The following AGBL1 variants were observed in gnomAD, a reference collection of about 807,000 sequenced individuals.
AGBL1 encodes AGBL carboxypeptidase 1.
AGBL1 carries 130 observed loss-of-function variants against 118.9 expected under a neutral mutation model. That is an observed-to-expected ratio of 1.09 (90% confidence interval 0.95 to 1.26). The LOEUF (loss-of-function observed/expected upper bound fraction) is 1.26. Among genes scored for constraint, AGBL1 ranks in the 50% most tolerant of loss-of-function variants. AGBL1 has a pLI of 0.00. For synonymous variants in AGBL1, 555 were observed against 478.9 expected, an observed-to-expected ratio of 1.16 and a Z score of -2.08; for missense variants, 1,584 against 1,298.1, an observed-to-expected ratio of 1.22 and a Z score of -3.38.
chr15:86,494,611 T>A (rs1274900124), intron 18 of AGBL1, among the ~76,000 whole-genome samples: 1 of 152,068 alleles, frequency 6.6e-6, no homozygotes, highest in African/African-American at 2.4e-5. Context: ...CACCTACCGA[T>A]CAGGCTCATG....
At chr15:86,838,705 C>T (rs1382859295) in intron 22 of AGBL1, among the ~76,000 whole-genome samples, 1 of 151,484 alleles carries the variant, frequency 6.6e-6, no homozygotes, top group African/African-American at 2.4e-5. Flanking sequence ...TTTGAGAGGC[C>T]GAGGCAGAAA....
intron 21 of AGBL1, among the ~76,000 whole-genome samples, chr15:86,647,408 G>A (rs1321628053): frequency 6.6e-6 from 1 of 152,174 alleles, no homozygotes; most frequent in Non-Finnish European, 1.5e-5. Context: ...TAGAAAATAT[G>A]TAAAATATCT....
intron 1 of AGBL1, among the ~76,000 whole-genome samples, chr15:86,122,994 A>G (rs1441247336): frequency 6.6e-6 from 1 of 152,174 alleles, no homozygotes; most frequent in Non-Finnish European, 1.5e-5. Context: ...GAAAGAAATC[A>G]AAGTATTTTA....
At chr15:86,215,907 A>G (rs539028409) in intron 5 of AGBL1, among the ~76,000 whole-genome samples, 8 of 152,278 alleles carry the variant, frequency 5.3e-5, no homozygotes, top group African/African-American at 1.7e-4. Context: ...TGTGATTTCT[A>G]TTTATTTCAA....
At chr15:86,838,984 A>G (rs1419153159) in intron 22 of AGBL1, among the ~76,000 whole-genome samples, 2 of 148,882 alleles carry the variant, frequency 1.3e-5, no homozygotes, top group African/African-American at 4.9e-5. Flanking sequence ...ATGTAGCAGC[A>G]GAGGAGACTA....
chr15:86,090,464 A>G (rs1348038998), intron 1 of AGBL1, among the ~76,000 whole-genome samples: 4 of 152,304 alleles, frequency 2.6e-5, no homozygotes, highest in Non-Finnish European at 4.4e-5. Flanking sequence ...CTATCATTAT[A>G]TACCTATATC....
chr15:86,270,144 C>G (rs993088090), intron 14 of AGBL1, 77 bp downstream of exon 14: 10 of 1,516,594 alleles, frequency 6.6e-6, no homozygotes, highest in Non-Finnish European at 8.9e-6. Flanking sequence ...ATTCAAAGAG[C>G]CTTTGCTTGG....
At chr15:86,472,374 C>T (rs1403399026) in intron 18 of AGBL1, among the ~76,000 whole-genome samples, 3 of 152,304 alleles carry the variant, frequency 2.0e-5, no homozygotes, top group East Asian at 3.9e-4. Flanking sequence ...TCCTCTCCGA[C>T]ATCTGATTGG....
chr15:86,192,461 C>T (rs1452371901), intron 5 of AGBL1, among the ~76,000 whole-genome samples: 1 of 151,828 alleles, frequency 6.6e-6, no homozygotes, highest in Non-Finnish European at 1.5e-5. Flanking sequence ...TTGTCTATCA[C>T]ATGGGCCATT....
chr15:86,481,743 T>C (rs1377189212), intron 18 of AGBL1, among the ~76,000 whole-genome samples: 1 of 152,156 alleles, frequency 6.6e-6, no homozygotes, highest in Non-Finnish European at 1.5e-5. Flanking sequence ...CTTTATTTTC[T>C]TCAGATTCTG....
chr15:86,681,583 T>A (rs1228058990), intron 22 of AGBL1, among the ~76,000 whole-genome samples: 1 of 152,206 alleles, frequency 6.6e-6, no homozygotes, highest in Non-Finnish European at 1.5e-5. Flanking sequence ...TTTCTGCTCT[T>A]CCAACTTCTT....
At chr15:86,892,365 G>T (rs1247434189) in intron 22 of AGBL1, among the ~76,000 whole-genome samples, 1 of 152,132 alleles carries the variant, frequency 6.6e-6, no homozygotes. Flanking sequence ...TCATGTAACA[G>T]AGTTCATGAC....
intron 21 of AGBL1, among the ~76,000 whole-genome samples, chr15:86,564,818 C>CTTTG (rs1396751229): frequency 2.6e-5 from 4 of 152,268 alleles, no homozygotes; most frequent in African/African-American, 7.2e-5. Flanking sequence ...TTCTTGGAGG[C>CTTTG]TTTGTTTGTT....
chr15:86,318,113 T>A (rs1433087784), intron 17 of AGBL1, among the ~76,000 whole-genome samples: 1 of 152,252 alleles, frequency 6.6e-6, no homozygotes, highest in Non-Finnish European at 1.5e-5. Context: ...AAAAGTTTTA[T>A]GTCCTAATTA....
At chr15:86,702,204 A>G (rs978156015) in intron 22 of AGBL1, among the ~76,000 whole-genome samples, 3 of 152,304 alleles carry the variant, frequency 2.0e-5, no homozygotes, top group Non-Finnish European at 4.4e-5. Context: ...GAAAACTTAA[A>G]TCTAGTAAAT....
At chr15:86,782,751 C>A (rs565015032) in intron 22 of AGBL1, among the ~76,000 whole-genome samples, 3 of 152,146 alleles carry the variant, frequency 2.0e-5, no homozygotes, top group African/African-American at 7.2e-5. Context: ...ACTTAGAAAA[C>A]ATTTTTATAA....
chr15:86,504,401 C>T (rs1014607598), intron 18 of AGBL1, among the ~76,000 whole-genome samples: 2 of 151,466 alleles, frequency 1.3e-5, no homozygotes, highest in African/African-American at 4.8e-5. Flanking sequence ...AATCCATTTA[C>T]ATTTAATATA....
chr15:86,848,836 G>T (rs1460447675), intron 22 of AGBL1, among the ~76,000 whole-genome samples: 1 of 152,162 alleles, frequency 6.6e-6, no homozygotes, highest in Non-Finnish European at 1.5e-5. Flanking sequence ...TAGGGGAAAA[G>T]GAGATTGTGA....
intron 22 of AGBL1, among the ~76,000 whole-genome samples, chr15:86,812,497 G>A (rs1003195545): frequency 3.3e-5 from 5 of 152,288 alleles, no homozygotes; most frequent in South Asian, 2.1e-4. Context: ...TTTGATGCTC[G>A]AGCTCCACCA....
Sources: allele counts gnomAD v4.1 joint callset (sites outside exome capture counted in the v4.1 genomes callset), GRCh38; gene constraint gnomAD v4.1.1; transcripts MANE v1.5; gene names NCBI Gene and HGNC (gene_info 2026-07-23, HGNC 2026-07-21).